The following GPHN variants were observed in gnomAD, a reference collection of about 807,000 sequenced individuals.
GPHN encodes the protein gephyrin.
A neutral mutation model predicts 95.5 loss-of-function variants in GPHN; 17 were observed. That is an observed-to-expected ratio of 0.18 (90% CI 0.12 to 0.27). The LOEUF (loss-of-function observed/expected upper bound fraction) is 0.27. Among genes scored for constraint, GPHN ranks in the 10% least tolerant of loss-of-function variants. The pLI is 1.00. For synonymous variants in GPHN, 320 were observed against 322.5 expected, an observed-to-expected ratio of 0.99 and a Z score of 0.08; for missense variants, 660 against 978.1, an observed-to-expected ratio of 0.67 and a Z score of 4.34.
chr14:67,620,932 A>G, the GPHN span: 27 of 1,614,170 alleles, frequency 1.7e-5, no homozygotes, highest in Middle Eastern at 1.6e-4. Flanking sequence ...CTGCCATAAG[A>G]GAAGCTGGCT....
At chr14:67,208,080 A>G in the GPHN span, 2 of 1,388,066 alleles carry the variant, frequency 1.4e-6, no homozygotes, top group East Asian at 2.4e-5. Context: ...CCTCCTTACT[A>G]CTCCTCACGG....
At chr14:67,091,024 A>G (rs1213794713) in intron 12 of GPHN, among the ~76,000 whole-genome samples, 1 of 151,936 alleles carries the variant, frequency 6.6e-6, no homozygotes, top group Non-Finnish European at 1.5e-5. Context: ...GATAGTAACC[A>G]TTATTATCAT....
the GPHN span, among the ~76,000 whole-genome samples, chr14:67,468,946 C>T: frequency 6.6e-6 from 1 of 152,030 alleles, no homozygotes; most frequent in Non-Finnish European, 1.5e-5. Flanking sequence ...TGGGCCCCCT[C>T]AGTCTTCTCG....
Position 66,799,234 on chromosome 14 carries a change from CAT to C in GPHN, c.201+22716_201+22717del, listed in dbSNP as rs774487397. Among the ~76,000 whole-genome samples, 142 of 152,076 alleles carry C rather than the reference CAT, an allele frequency of 9.3e-4. 1 individual carries two copies. The Middle Eastern group carries it at 0.034, about 36-fold the overall frequency. ...TTTTAAGACATATTTTGTGACCTAA[CAT>C]ATGGTCTATTCTAGAGAATGTTCCA... On this transcript the variant is annotated intron_variant, in intron 3 of 22. Coordinates refer to ENST00000478722, the MANE Select transcript of GPHN (RefSeq NM_020806.5).
At chr14:67,431,146 G>A in the GPHN span, among the ~76,000 whole-genome samples, 16 of 152,142 alleles carry the variant, frequency 1.1e-4, no homozygotes, top group African/African-American at 3.9e-4. Context: ...TGTAATCCCA[G>A]CACTTTGGGA....
At chr14:67,673,401 C>T in the GPHN span, among the ~76,000 whole-genome samples, 2 of 152,044 alleles carry the variant, frequency 1.3e-5, no homozygotes, top group African/African-American at 2.4e-5. Context: ...TATTCTTTTA[C>T]TCTGATTTAC....
chr14:67,037,880 A>G (rs2074502876), intron 10 of GPHN, among the ~76,000 whole-genome samples: 1 of 151,938 alleles, frequency 6.6e-6, no homozygotes, highest in South Asian at 2.1e-4. Context: ...CAGCTGCTAC[A>G]GAAAATAGTA....
chr14:67,061,376 T>C (rs767105174), intron 11 of GPHN, among the ~76,000 whole-genome samples: 12 of 152,130 alleles, frequency 7.9e-5, no homozygotes, highest in Non-Finnish European at 1.6e-4. Flanking sequence ...ACAATTGTTA[T>C]AGGCTCCCCT....
chr14:67,391,911 G>A, the GPHN span, among the ~76,000 whole-genome samples: 2 of 152,172 alleles, frequency 1.3e-5, no homozygotes, highest in South Asian at 4.1e-4. Flanking sequence ...CTCAGAAAGT[G>A]TATCAAGGAG....
the GPHN span, chr14:67,347,457 T>C: frequency 6.2e-7 from 1 of 1,605,464 alleles, no homozygotes; most frequent in Admixed American, 1.7e-5. Context: ...GTAACACCTG[T>C]TAAACACAGA....
intron 1 of GPHN, among the ~76,000 whole-genome samples, chr14:66,565,986 C>G (rs1391780494): frequency 6.9e-6 from 1 of 143,916 alleles, no homozygotes; most frequent in Admixed American, 6.9e-5. Context: ...TTTTTGCTTT[C>G]TATCTATTCA....
intron 8 of GPHN, among the ~76,000 whole-genome samples, chr14:66,945,972 T>A (rs534872276): frequency 4.7e-4 from 72 of 152,314 alleles, no homozygotes; most frequent in African/African-American, 1.7e-3. Flanking sequence ...TTTTTCTTTT[T>A]TTCTGGGCCT....
chr14:67,323,261 G>GTATATATATA, the GPHN span, among the ~76,000 whole-genome samples: 102 of 124,184 alleles, frequency 8.2e-4, no homozygotes, highest in Admixed American at 4.8e-3. Context: ...GTGTGTGTGT[G>GTATATATATA]TATATATATA....
chr14:66,945,049 A>G (rs1228447165), intron 8 of GPHN, among the ~76,000 whole-genome samples: 2 of 152,252 alleles, frequency 1.3e-5, no homozygotes, highest in Non-Finnish European at 2.9e-5. Flanking sequence ...CTTGCTTGGT[A>G]CTTACCTTTT....
intron 1 of GPHN, among the ~76,000 whole-genome samples, chr14:66,657,610 A>G (rs1348624332): frequency 6.6e-6 from 1 of 152,196 alleles, no homozygotes; most frequent in Non-Finnish European, 1.5e-5. Flanking sequence ...CATTTTGTAA[A>G]TCATAGGTCC....
At chr14:67,665,941 G>GCTATTAC in the GPHN span, among the ~76,000 whole-genome samples, 1 of 152,180 alleles carries the variant, frequency 6.6e-6, no homozygotes, top group Non-Finnish European at 1.5e-5. Flanking sequence ...CACCAAGGCA[G>GCTATTAC]CTATTACTGT....
chr14:66,914,939 T>C (rs1167159385), intron 5 of GPHN, among the ~76,000 whole-genome samples: 1 of 152,064 alleles, frequency 6.6e-6, no homozygotes, highest in Non-Finnish European at 1.5e-5. Context: ...AAAACAGATT[T>C]TGAAGAAATA....
At chr14:66,842,080 C>T (rs2062119682) in intron 4 of GPHN, among the ~76,000 whole-genome samples, 1 of 149,174 alleles carries the variant, frequency 6.7e-6, no homozygotes, top group African/African-American at 2.5e-5. Flanking sequence ...CCCCCCAGCC[C>T]CGCCCAAAAA....
At chr14:67,686,408 G>T in the GPHN span, among the ~76,000 whole-genome samples, 1 of 152,056 alleles carries the variant, frequency 6.6e-6, no homozygotes, top group East Asian at 1.9e-4. Flanking sequence ...GGAGGCCAAG[G>T]CAGGTGGACT....
Sources: gnomAD v4.1 joint callset for allele counts (sites outside exome capture counted in the v4.1 genomes callset) on GRCh38, gnomAD v4.1.1 for gene constraint, MANE v1.5 for transcripts, NCBI Gene and HGNC (gene_info 2026-07-23, HGNC 2026-07-21) for gene names.